The following NEXMIF variants were observed in gnomAD, a reference collection of about 807,000 sequenced individuals.
The protein encoded by NEXMIF is neurite extension and migration factor.
NEXMIF carries 8 observed loss-of-function variants against 62.1 expected under a neutral mutation model. The observed-to-expected ratio is 0.13, with a 90% CI of 0.08 to 0.23. The LOEUF (loss-of-function observed/expected upper bound fraction) is 0.23, where lower values mean the gene tolerates loss of function less well. NEXMIF is among the 10% of genes least tolerant of loss of function. The pLI, the probability that NEXMIF is intolerant of heterozygous loss-of-function variation, is 1.00. For missense variants in NEXMIF, 976 were observed against 1,113.3 expected, an observed-to-expected ratio of 0.88 and a Z score of 1.75; for synonymous variants, 404 against 416.6, an observed-to-expected ratio of 0.97 and a Z score of 0.37.
Position 74,741,113 on chromosome X carries a change from G to A in NEXMIF, c.3444C>T (p.Ser1148=), listed in dbSNP as rs746019007. 1 of 1,210,841 alleles carries A rather than the reference G, an allele frequency of 8.3e-7. No homozygotes were observed. The highest frequency in any genetic ancestry group is 2.2e-5 in the Admixed American group (1 of 46,010). The stretch of plus-strand genomic sequence containing the variant: ...ACAGGCAAGGGTTTTTTTGGAGCAG[G>A]CTGACAGAATCCTCATCATTGAACA... The part of the protein sequence containing the change: ...FHMFNDEDSV[S]LLQKNPCLST... Residue 1148 remains serine, a synonymous_variant, in exon 3 of 4, where the codon AGC becomes AGT. Coordinates refer to ENST00000055682, the MANE Select transcript of NEXMIF (RefSeq NM_001008537.3).
At chrX:74,827,308 G>T (rs946796542) in intron 1 of NEXMIF, among the ~76,000 whole-genome samples, 1 of 111,938 alleles carries the variant, frequency 8.9e-6, no homozygotes, top group Non-Finnish European at 1.9e-5. Context: ...AAGAGAATCT[G>T]GCTGCTGAAG....
chrX:74,911,696 C>T (rs1050697487), intron 1 of NEXMIF, among the ~76,000 whole-genome samples: 5 of 112,463 alleles, frequency 4.4e-5, no homozygotes, highest in Middle Eastern at 4.6e-3. Context: ...TTAAGTCAAA[C>T]GACATAGATG....
At chrX:74,885,502 G>C (rs1178275129) in intron 1 of NEXMIF, among the ~76,000 whole-genome samples, 1 of 111,831 alleles carries the variant, frequency 8.9e-6, no homozygotes, top group Non-Finnish European at 1.9e-5. Context: ...ACTACCATCA[G>C]AGAATACTAT....
Position 74,796,254 on chromosome X carries a change from AT to A in NEXMIF, c.-47-50558del, listed in dbSNP as rs1300072981. On this transcript the variant is annotated intron_variant, in intron 1 of 3. Transcript: ENST00000055682. ...AATATATATATATATACACATATAT[AT>A]TATATATATTATATATATACATATA... Among the ~76,000 whole-genome samples the A allele has an allele frequency of 8.1e-4, 40 of 49,153 alleles. No homozygotes were observed. The South Asian group carries it at 0.018, about 23-fold the overall frequency. The allele number at this position is 49,153 out of a possible 115,157, so 42.7% of individuals were successfully genotyped here. A position where few individuals can be genotyped will look rare whatever the true frequency, so the allele number is the denominator to read the frequency against.
intron 1 of NEXMIF, among the ~76,000 whole-genome samples, chrX:74,881,538 G>A (rs1484305888): frequency 2.3e-5 from 2 of 86,512 alleles, no homozygotes; most frequent in Non-Finnish European, 4.1e-5. Flanking sequence ...TCTTGGGTCA[G>A]GTACTTCTTT....
At chrX:74,773,021 T>C (rs1029334832) in intron 1 of NEXMIF, among the ~76,000 whole-genome samples, 2 of 112,027 alleles carry the variant, frequency 1.8e-5, no homozygotes, top group African/African-American at 6.5e-5. Context: ...TAAACACATC[T>C]GTTAAAAATG....
In NEXMIF at chrX:74,741,581, G is replaced by A. The variant is rs1375394912; in HGVS notation, c.2976C>T (p.Ser992=). ...PVNMDDGRLF[S]FDSMAPLSVS... ...CAGAGAGTGGGGCCATTGAATCAAA[G>A]CTAAAGAGCCGACCATCATCCATAT... The change falls in exon 3 of 4, where the codon AGC becomes AGT. Residue 992 remains serine, a synonymous_variant. Coordinates refer to ENST00000055682, the MANE Select transcript of NEXMIF (RefSeq NM_001008537.3). 2 of 1,211,684 alleles carry A rather than the reference G, an allele frequency of 1.7e-6. No individual in the cohort carries two copies. Among genetic ancestry groups the A allele is most frequent in the Non-Finnish European group, 2.2e-6 (2 of 895,456 alleles).
intron 1 of NEXMIF, among the ~76,000 whole-genome samples, chrX:74,841,984 C>T (rs2080475488): frequency 1.8e-5 from 2 of 111,708 alleles, no homozygotes. Flanking sequence ...CAAGATGATG[C>T]TGGCCTCACA....
chrX:74,794,772 G>T (rs189325705), intron 1 of NEXMIF, among the ~76,000 whole-genome samples: 1 of 111,477 alleles, frequency 9.0e-6, no homozygotes, highest in Non-Finnish European at 1.9e-5. Flanking sequence ...TCTTTGACTC[G>T]GAAAGGGAAC....
chrX:74,799,090 C>G (rs1472301531), intron 1 of NEXMIF, among the ~76,000 whole-genome samples: 1 of 110,790 alleles, frequency 9.0e-6, no homozygotes, highest in Non-Finnish European at 1.9e-5. Flanking sequence ...GTCTTGAACC[C>G]CTGGCCTCAA....
At chrX:74,837,248 C>T (rs181259204) in intron 1 of NEXMIF, among the ~76,000 whole-genome samples, 5 of 111,690 alleles carry the variant, frequency 4.5e-5, no homozygotes, top group Admixed American at 2.8e-4. Flanking sequence ...ATATAAAGTC[C>T]GGTACTGTGA....
rs1338532260 is a variant in NEXMIF, at chrX:74,884,628, G to A, written c.-48+40255C>T. Among the ~76,000 whole-genome samples the A allele has an allele frequency of 2.7e-5, 3 of 111,709 alleles. No homozygotes were observed. The Admixed American group carries it at 2.8e-4, about 11-fold the overall frequency. On this transcript the variant is annotated intron_variant, in intron 1 of 3. Transcript: ENST00000055682. Reference sequence around the variant, plus strand: ...AAATATATATGCGCACAATACAGGAGCACCCAGATTCATAAAGCAAGTCCT... The same window carrying A: ...AAATATATATGCGCACAATACAGGAACACCCAGATTCATAAAGCAAGTCCT...
chrX:74,839,695 T>G (rs1207141961), intron 1 of NEXMIF, among the ~76,000 whole-genome samples: 1 of 112,357 alleles, frequency 8.9e-6, no homozygotes, highest in African/African-American at 3.2e-5. Context: ...GTTAGTTTGC[T>G]AAGAATAATA....
chrX:74,891,590 T>C (rs1362280416), intron 1 of NEXMIF, among the ~76,000 whole-genome samples: 5 of 111,736 alleles, frequency 4.5e-5, no homozygotes, highest in Non-Finnish European at 7.5e-5. Flanking sequence ...TAATGTCCTG[T>C]TATTATTGTT....
intron 1 of NEXMIF, among the ~76,000 whole-genome samples, chrX:74,795,851 A>G (rs1204373671): frequency 9.2e-6 from 1 of 108,319 alleles, no homozygotes. Context: ...GTATAAAGAT[A>G]AAAGACAAAT....
chrX:74,802,136 C>T (rs57689476), intron 1 of NEXMIF, among the ~76,000 whole-genome samples: 15,007 of 111,500 alleles, frequency 0.13, 1,624 homozygotes, highest in East Asian at 0.91. Flanking sequence ...GTGGGGAGCT[C>T]GCCACCCTGA....
At chrX:74,841,528 G>C (rs1244700375) in intron 1 of NEXMIF, among the ~76,000 whole-genome samples, 2 of 111,675 alleles carry the variant, frequency 1.8e-5, no homozygotes, top group Non-Finnish European at 3.8e-5. Context: ...GAATAGAAGT[G>C]GTGAGAGAAG....
chrX:74,881,210 T>C (rs192497587), intron 1 of NEXMIF, among the ~76,000 whole-genome samples: 41 of 111,520 alleles, frequency 3.7e-4, no homozygotes, highest in Middle Eastern at 9.2e-3. Flanking sequence ...TTCTGTGTTT[T>C]CAGGCATGTG....
intron 1 of NEXMIF, among the ~76,000 whole-genome samples, chrX:74,853,786 C>T (rs2147495595): frequency 1.8e-5 from 2 of 111,432 alleles, no homozygotes; most frequent in South Asian, 7.5e-4. Flanking sequence ...AAAAGATCAT[C>T]AGAGCCTATT....
Sources: gnomAD v4.1 joint callset for allele counts (sites outside exome capture counted in the v4.1 genomes callset) on GRCh38, gnomAD v4.1.1 for gene constraint, MANE v1.5 for transcripts, NCBI Gene and HGNC (gene_info 2026-07-23, HGNC 2026-07-21) for gene names.